Variants in CDH6 observed in about 807,000 individuals in gnomAD.
CDH6 encodes the protein cadherin 6, also known as cadherin-6.
A neutral mutation model predicts 78.0 loss-of-function variants in CDH6; 31 were observed. The observed-to-expected ratio is 0.40, with a 90% CI of 0.30 to 0.54. CDH6 has a LOEUF of 0.54. CDH6 is among the 20% of genes least tolerant of loss of function. The probability of loss-of-function intolerance (pLI) is 0.56; values close to 1 mark genes in which losing one functional copy is unlikely to be tolerated. For synonymous variants in CDH6, 376 were observed against 368.8 expected (o/e 1.02, Z -0.23); for missense variants, 724 against 975.9 (o/e 0.74, Z 3.44).
chr5:31,258,457 G>A (rs924057610), intron 1 of CDH6, among the ~76,000 whole-genome samples: 1 of 152,116 alleles, frequency 6.6e-6, no homozygotes, highest in Admixed American at 6.5e-5. Flanking sequence ...TGGACACAGG[G>A]AAGGGAACAT....
intron 8 of CDH6, among the ~76,000 whole-genome samples, chr5:31,313,995 A>G (rs1045568838): frequency 2.0e-5 from 3 of 152,184 alleles, no homozygotes; most frequent in Admixed American, 6.5e-5. Flanking sequence ...CAGTAAAATG[A>G]TTAGAATGAA....
intron 2 of CDH6, among the ~76,000 whole-genome samples, chr5:31,289,169 T>C (rs1743090457): frequency 6.6e-6 from 1 of 152,230 alleles, no homozygotes; most frequent in Non-Finnish European, 1.5e-5. Context: ...CCCCATGTTA[T>C]GTCCATGTGT....
chr5:31,220,604 A>G (rs1487927968), intron 1 of CDH6, among the ~76,000 whole-genome samples: 1 of 152,024 alleles, frequency 6.6e-6, no homozygotes, highest in African/African-American at 2.4e-5. Flanking sequence ...TGGAGGAAGG[A>G]AAAAAAAGGT....
In CDH6 at chr5:31,323,600, C is replaced by G. The variant is rs1738538818; in HGVS notation, c.*292C>G. Reference sequence around the variant, plus strand: ...CCACTTGTTCTCAGGGCAGCGTGCCCGCTTCCGCTGTCCTGGTGTTTTACT... The same window carrying G: ...CCACTTGTTCTCAGGGCAGCGTGCCGGCTTCCGCTGTCCTGGTGTTTTACT... On this transcript the variant is annotated 3_prime_UTR_variant, in exon 12 of 12. Transcript: ENST00000265071. The G allele has an allele frequency of 2.6e-6, 1 of 380,412 alleles. No homozygotes were observed. Among genetic ancestry groups the G allele is most frequent in the African/African-American group, 2.0e-5 (1 of 50,498 alleles). 23.6% of individuals were successfully genotyped at this position (380,412 alleles called of 1,614,324 possible). A position where few individuals can be genotyped will look rare whatever the true frequency, so the allele number is the denominator to read the frequency against.
At chr5:31,257,319 C>T (rs572998364) in intron 1 of CDH6, among the ~76,000 whole-genome samples, 4 of 152,204 alleles carry the variant, frequency 2.6e-5, no homozygotes, top group African/African-American at 4.8e-5. Flanking sequence ...CCCGCCACCA[C>T]GCTCGGCTAA....
At chr5:31,215,840 T>G (rs116358332) in intron 1 of CDH6, among the ~76,000 whole-genome samples, 2,192 of 152,238 alleles carry the variant, frequency 0.014, 59 homozygotes, top group African/African-American at 0.05. Context: ...GCAGCTCCCT[T>G]CACAGAATCA....
At chr5:31,258,643 A>G (rs939075361) in intron 1 of CDH6, among the ~76,000 whole-genome samples, 1 of 152,188 alleles carries the variant, frequency 6.6e-6, no homozygotes, top group East Asian at 1.9e-4. Context: ...TAATTTAAAA[A>G]AAAAAGAAAA....
At chr5:31,205,745 T>G (rs1490962064) in intron 1 of CDH6, among the ~76,000 whole-genome samples, 2 of 152,172 alleles carry the variant, frequency 1.3e-5, no homozygotes, top group African/African-American at 4.8e-5. Context: ...TTTTTTTGCC[T>G]CTCATCCAAA....
At chr5:31,234,233 G>A (rs528563815) in intron 1 of CDH6, among the ~76,000 whole-genome samples, 35 of 152,214 alleles carry the variant, frequency 2.3e-4, no homozygotes, top group African/African-American at 8.4e-4. Context: ...TGATAAACTA[G>A]ATGTTTAAGT....
chr5:31,299,784 T>C (rs532137627), intron 5 of CDH6, among the ~76,000 whole-genome samples, 153 bp downstream of exon 5: 1 of 152,370 alleles, frequency 6.6e-6, no homozygotes, highest in East Asian at 1.9e-4. Context: ...CAACATGGCA[T>C]ACACTCAGGA....
chr5:31,328,816 C>T lies in CDH6; in HGVS notation c.*5508C>T, dbSNP rs1013066654. 1.6e-4 allele frequency: 35 copies of T among 218,446 alleles called. No individual in the cohort carries two copies. Among genetic ancestry groups the T allele is most frequent in the Middle Eastern group, 2.9e-3 (2 of 698 alleles). 13.5% of individuals were successfully genotyped at this position (218,446 alleles called of 1,614,324 possible). A position where few individuals can be genotyped will look rare whatever the true frequency, so the allele number is the denominator to read the frequency against. On this transcript the variant is annotated 3_prime_UTR_variant, in exon 12 of 12. Coordinates refer to ENST00000265071, the MANE Select transcript of CDH6 (RefSeq NM_004932.4). ...TGGCAACAAGAACACCTGATGAAAG[C>T]AAGCAATGCTCAGTTCCCATCAACA...
chr5:31,296,638 GGTAA>G, intron 3 of CDH6, among the ~76,000 whole-genome samples: 1 of 152,100 alleles, frequency 6.6e-6, no homozygotes, highest in Admixed American at 6.6e-5. Flanking sequence ...TGCTTTTATT[GGTAA>G]GTAACAAGAA....
intron 1 of CDH6, among the ~76,000 whole-genome samples, chr5:31,200,631 A>G (rs1216719865): frequency 1.3e-5 from 2 of 151,002 alleles, no homozygotes; most frequent in Non-Finnish European, 3.0e-5. Flanking sequence ...CCAGAAAACA[A>G]TCGCCACAAA....
chr5:31,313,260 G>T, intron 7 of CDH6, 58 bp from the exon 8 acceptor site: 1 of 1,481,076 alleles, frequency 6.8e-7, no homozygotes, highest in South Asian at 1.2e-5. Flanking sequence ...GATGTTCTAT[G>T]ATGTGAGAAT....
At chr5:31,279,937 A>G (rs949234798) in intron 2 of CDH6, among the ~76,000 whole-genome samples, 1 of 152,224 alleles carries the variant, frequency 6.6e-6, no homozygotes, top group Non-Finnish European at 1.5e-5. Flanking sequence ...GCTGATTACC[A>G]ATCCACTTGC....
intron 6 of CDH6, among the ~76,000 whole-genome samples, chr5:31,304,684 A>C (rs955574244): frequency 7.5e-5 from 3 of 40,236 alleles, no homozygotes; most frequent in South Asian, 2.1e-3. Context: ...ACTCCGTCTC[A>C]AAAAAAAAAA....
chr5:31,205,726 T>G (rs572762629), intron 1 of CDH6, among the ~76,000 whole-genome samples: 1 of 152,338 alleles, frequency 6.6e-6, no homozygotes, highest in Admixed American at 6.5e-5. Context: ...ATTTGCTAAG[T>G]GAATGACTTT....
At chr5:31,287,144 G>T (rs1427659826) in intron 2 of CDH6, among the ~76,000 whole-genome samples, 1 of 152,134 alleles carries the variant, frequency 6.6e-6, no homozygotes, top group Non-Finnish European at 1.5e-5. Context: ...ATGGTACAGA[G>T]ATAGCAATTG....
chr5:31,235,536 A>T (rs1040405808), intron 1 of CDH6, among the ~76,000 whole-genome samples: 3 of 152,186 alleles, frequency 2.0e-5, no homozygotes, highest in Non-Finnish European at 2.9e-5. Flanking sequence ...AAGTACTCAT[A>T]CAATTTCTCT....
Sources: gnomAD v4.1 joint callset for allele counts (sites outside exome capture counted in the v4.1 genomes callset) on GRCh38, gnomAD v4.1.1 for gene constraint, MANE v1.5 for transcripts, NCBI Gene and HGNC (gene_info 2026-07-23, HGNC 2026-07-21) for gene names.